Variants in AKAP19 observed in about 807,000 individuals in gnomAD.
The protein encoded by AKAP19 is small A-kinase anchoring protein.
chr2:190,001,245 G>C, the AKAP19 span, among the ~76,000 whole-genome samples: 1 of 151,938 alleles, frequency 6.6e-6, no homozygotes, highest in Non-Finnish European at 1.5e-5. Flanking sequence ...TTTTCTACAT[G>C]GTTTCCCTTG....
chr2:189,970,921 G>A, the AKAP19 span, among the ~76,000 whole-genome samples: 1 of 152,050 alleles, frequency 6.6e-6, no homozygotes, highest in Non-Finnish European at 1.5e-5. Context: ...TGCATTTTTT[G>A]ATTACTTATG....
chr2:189,958,752 T>G, the AKAP19 span, among the ~76,000 whole-genome samples: 1 of 151,888 alleles, frequency 6.6e-6, no homozygotes, highest in Non-Finnish European at 1.5e-5. Flanking sequence ...TACCTTTATA[T>G]AATGGAATGC....
the AKAP19 span, among the ~76,000 whole-genome samples, chr2:190,081,274 A>G: frequency 1.3e-5 from 2 of 151,566 alleles, no homozygotes; most frequent in Non-Finnish European, 2.9e-5. Context: ...CTCAAGCACA[A>G]GCTACCATCT....
At chr2:190,002,122 C>T in the AKAP19 span, among the ~76,000 whole-genome samples, 1 of 152,148 alleles carries the variant, frequency 6.6e-6, no homozygotes, top group African/African-American at 2.4e-5. Context: ...AGCCTTAGGC[C>T]AGACACCACA....
At chr2:190,013,308 G>A in the AKAP19 span, among the ~76,000 whole-genome samples, 1 of 152,050 alleles carries the variant, frequency 6.6e-6, no homozygotes, top group Admixed American at 6.6e-5. Flanking sequence ...GGTCTGTTCA[G>A]ATTTTCTTTC....
At chr2:189,996,187 G>T in the AKAP19 span, among the ~76,000 whole-genome samples, 2 of 152,172 alleles carry the variant, frequency 1.3e-5, no homozygotes, top group African/African-American at 4.8e-5. Context: ...TCTCAAATAA[G>T]TTTTCCAAAC....
At chr2:189,948,749 A>G in the AKAP19 span, among the ~76,000 whole-genome samples, 1 of 152,188 alleles carries the variant, frequency 6.6e-6, no homozygotes, top group Admixed American at 6.5e-5. Flanking sequence ...TATACATAAC[A>G]AAGTCCTGTG....
chr2:190,032,412 T>C, the AKAP19 span, among the ~76,000 whole-genome samples: 1 of 152,176 alleles, frequency 6.6e-6, no homozygotes. Flanking sequence ...CTGACAGGTG[T>C]TCAGGATCGT....
the AKAP19 span, among the ~76,000 whole-genome samples, chr2:190,152,899 CT>C: frequency 1.7e-3 from 249 of 143,776 alleles, no homozygotes; most frequent in African/African-American, 4.2e-3. Context: ...CCCATTCTTT[CT>C]TTTTTTTTTT....
chr2:189,899,964 T>A, the AKAP19 span, among the ~76,000 whole-genome samples: 43 of 152,252 alleles, frequency 2.8e-4, no homozygotes, highest in African/African-American at 9.9e-4. Flanking sequence ...TGTGCACATA[T>A]ATAGTATTCA....
chr2:190,057,530 G>A, the AKAP19 span: 3 of 1,613,536 alleles, frequency 1.9e-6, no homozygotes, highest in Non-Finnish European at 2.5e-6. Flanking sequence ...TCCACAGTTA[G>A]AGGGTAACGA....
chr2:190,148,538 G>T, the AKAP19 span, among the ~76,000 whole-genome samples: 7 of 152,088 alleles, frequency 4.6e-5, 1 homozygote, highest in South Asian at 1.5e-3. Context: ...ATTAGGGAGG[G>T]TTCCTTCTTT....
At chr2:189,909,507 CT>C in the AKAP19 span, among the ~76,000 whole-genome samples, 5 of 151,736 alleles carry the variant, frequency 3.3e-5, no homozygotes, top group African/African-American at 1.2e-4. Context: ...TTTTCTTTAT[CT>C]TTTTGGTATC....
chr2:190,056,173 G>C, the AKAP19 span: 1 of 152,470 alleles, frequency 6.6e-6, no homozygotes, highest in Non-Finnish European at 1.5e-5. Flanking sequence ...TGAAATATAA[G>C]TAGTTGCTTT....
At chr2:190,196,426 C>G in the AKAP19 span, among the ~76,000 whole-genome samples, 2 of 150,778 alleles carry the variant, frequency 1.3e-5, no homozygotes, top group African/African-American at 2.4e-5. Context: ...CTCTGAGATT[C>G]TTTTTTTGTT....
chr2:190,126,297 A>AAAAAAAAAAAAAAAAAAC, the AKAP19 span, among the ~76,000 whole-genome samples: 1 of 99,770 alleles, frequency 1.0e-5, no homozygotes, highest in Non-Finnish European at 2.0e-5. Context: ...CTCAAAAAAA[A>AAAAAAAAAAAAAAAAAAC]AAAAAAAAAA....
the AKAP19 span, among the ~76,000 whole-genome samples, chr2:190,009,755 G>A: frequency 6.6e-6 from 1 of 152,058 alleles, no homozygotes; most frequent in African/African-American, 2.4e-5. Flanking sequence ...AGAGATTATG[G>A]ACAAACTGAG....
the AKAP19 span, among the ~76,000 whole-genome samples, chr2:190,078,645 T>G: frequency 2.6e-5 from 4 of 151,944 alleles, no homozygotes; most frequent in Admixed American, 1.3e-4. Context: ...TCATTCAAAA[T>G]CAGGATAAGC....
the AKAP19 span, among the ~76,000 whole-genome samples, chr2:189,882,796 G>A: frequency 6.6e-6 from 1 of 151,986 alleles, no homozygotes; most frequent in Admixed American, 6.6e-5. Context: ...AAAATATGAG[G>A]GAGGTACATA....
Sources: allele counts gnomAD v4.1 joint callset (sites outside exome capture counted in the v4.1 genomes callset), GRCh38; gene constraint gnomAD v4.1.1; transcripts MANE v1.5; gene names NCBI Gene and HGNC (gene_info 2026-07-23, HGNC 2026-07-21).